SGCZ: variants seen among roughly 807,000 people sequenced by gnomAD.
The protein encoded by SGCZ is sarcoglycan zeta.
Under a neutral mutation model 41.3 loss-of-function variants are expected in SGCZ, and 40 were observed. The ratio of observed to expected loss-of-function variants is 0.97; its 90% CI spans 0.75 to 1.26. The LOEUF (loss-of-function observed/expected upper bound fraction) is 1.26. SGCZ is among the 50% of genes most tolerant of loss of function. The pLI, the probability that SGCZ is intolerant of heterozygous loss-of-function variation, is 0.00. For missense variants in SGCZ, 552 were observed against 369.8 expected (o/e 1.49, Z -4.04); for synonymous variants, 206 against 137.5 (o/e 1.50, Z -3.49).
At chr8:14,236,096 G>A (rs1227484070) in intron 4 of SGCZ, among the ~76,000 whole-genome samples, 2 of 152,186 alleles carry the variant, frequency 1.3e-5, no homozygotes. Flanking sequence ...ATTAGGACAT[G>A]GAAAATCTAC....
chr8:14,916,183 G>A (rs750914221), intron 1 of SGCZ, among the ~76,000 whole-genome samples: 1 of 152,136 alleles, frequency 6.6e-6, no homozygotes, highest in East Asian at 1.9e-4. Flanking sequence ...ACATATGTAA[G>A]TAACAAATAA....
chr8:14,876,751 A>G (rs942665394), intron 1 of SGCZ, among the ~76,000 whole-genome samples: 14 of 152,174 alleles, frequency 9.2e-5, no homozygotes, highest in Admixed American at 4.6e-4. Flanking sequence ...GAGAGAGGCA[A>G]GAGGAAATAT....
intron 2 of SGCZ, among the ~76,000 whole-genome samples, chr8:14,395,374 A>C (rs1416031234): frequency 6.6e-6 from 1 of 152,188 alleles, no homozygotes; most frequent in Non-Finnish European, 1.5e-5. Context: ...GCAGAAGAAA[A>C]AACATGACAT....
At position 14,826,038 on chromosome 8, in the gene SGCZ, T is replaced by C. The variant is rs569493906; in HGVS notation, c.40-271112A>G. Among the ~76,000 whole-genome samples, 3 of 151,958 alleles carry C rather than the reference T, an allele frequency of 2.0e-5. No homozygotes were observed. The South Asian group carries it at 6.3e-4, about 32-fold the overall frequency. Reference sequence around the variant, plus strand: ...GTGCCATGTTGGTGTGCTGCACCCATTAACTAGTCATTTAGCATTAGGCAT... The same window carrying C: ...GTGCCATGTTGGTGTGCTGCACCCACTAACTAGTCATTTAGCATTAGGCAT... On this transcript the variant is annotated intron_variant, in intron 1 of 7. Coordinates refer to ENST00000382080, the MANE Select transcript of SGCZ (RefSeq NM_139167.4).
chr8:14,327,247 T>C (rs1045466588), intron 2 of SGCZ, among the ~76,000 whole-genome samples: 6 of 152,140 alleles, frequency 3.9e-5, no homozygotes, highest in Non-Finnish European at 8.8e-5. Flanking sequence ...TGATAAGACT[T>C]ACAGAACACC....
chr8:14,851,289 A>T (rs773162334), intron 1 of SGCZ, among the ~76,000 whole-genome samples: 5 of 149,688 alleles, frequency 3.3e-5, no homozygotes, highest in Non-Finnish European at 7.4e-5. Context: ...GAATGGCATG[A>T]ACCTGGGAGG....
chr8:14,978,125 C>T (rs572552093), intron 1 of SGCZ, among the ~76,000 whole-genome samples: 1 of 151,990 alleles, frequency 6.6e-6, no homozygotes, highest in South Asian at 2.1e-4. Flanking sequence ...TATGTCTTTG[C>T]ATTTTTATGT....
chr8:14,643,695 A>G (rs967070386), intron 1 of SGCZ, among the ~76,000 whole-genome samples: 5 of 151,806 alleles, frequency 3.3e-5, no homozygotes, highest in African/African-American at 1.2e-4. Flanking sequence ...ATTCCAAGGC[A>G]CTGAAAAATC....
At chr8:14,481,080 C>A (rs933441089) in intron 2 of SGCZ, among the ~76,000 whole-genome samples, 1 of 151,986 alleles carries the variant, frequency 6.6e-6, no homozygotes, top group African/African-American at 2.4e-5. Context: ...ATATAAACAG[C>A]AAAGTGTTAA....
chr8:14,923,088 C>T (rs73201292), intron 1 of SGCZ, among the ~76,000 whole-genome samples: 24,323 of 152,030 alleles, frequency 0.16, 2,168 homozygotes, highest in East Asian at 0.29. Context: ...TGAAATTTTA[C>T]AGCTAGTGTC....
chr8:14,232,144 T>TAC (rs944590139), intron 4 of SGCZ, among the ~76,000 whole-genome samples: 3 of 151,212 alleles, frequency 2.0e-5, no homozygotes, highest in African/African-American at 7.3e-5. Flanking sequence ...ATCATATATA[T>TAC]ATACATATAT....
At chr8:15,033,464 C>T (rs944615981) in intron 1 of SGCZ, among the ~76,000 whole-genome samples, 25 of 152,188 alleles carry the variant, frequency 1.6e-4, no homozygotes, top group Non-Finnish European at 1.5e-4. Flanking sequence ...AGGCAGGCTG[C>T]AGAAGACCTA....
At chr8:14,942,986 C>T (rs185737535) in intron 1 of SGCZ, among the ~76,000 whole-genome samples, 171 of 152,222 alleles carry the variant, frequency 1.1e-3, no homozygotes, top group African/African-American at 3.9e-3. Flanking sequence ...TGAATCATGC[C>T]AGTCTTATTG....
At chr8:15,231,796 A>AT (rs1354806801) in intron 1 of SGCZ, among the ~76,000 whole-genome samples, 2 of 151,562 alleles carry the variant, frequency 1.3e-5, no homozygotes, top group African/African-American at 4.8e-5. Flanking sequence ...TAATTTTTGT[A>AT]TTTTTAGTAG....
chr8:14,815,272 TA>T (rs1801868535), intron 1 of SGCZ, among the ~76,000 whole-genome samples: 1 of 150,656 alleles, frequency 6.6e-6, no homozygotes, highest in East Asian at 1.9e-4. Flanking sequence ...TAGAAGCAAA[TA>T]AAAAATAGAA....
chr8:14,873,212 CTG>C (rs1326734404), intron 1 of SGCZ, among the ~76,000 whole-genome samples: 2 of 152,112 alleles, frequency 1.3e-5, no homozygotes, highest in African/African-American at 4.8e-5. Context: ...GGCTGGAAGA[CTG>C]AGATAAATCA....
intron 1 of SGCZ, among the ~76,000 whole-genome samples, chr8:14,860,660 G>C (rs1803702955): frequency 6.9e-6 from 1 of 145,274 alleles, no homozygotes. Flanking sequence ...GAAAAAGAAA[G>C]AAAGAAAGAG....
intron 1 of SGCZ, among the ~76,000 whole-genome samples, chr8:14,782,205 A>C (rs1174141390): frequency 6.6e-6 from 1 of 152,198 alleles, no homozygotes; most frequent in Non-Finnish European, 1.5e-5. Context: ...ATCTATGCTA[A>C]AACTTATTAA....
intron 1 of SGCZ, among the ~76,000 whole-genome samples, chr8:14,964,053 T>C (rs1024744406): frequency 5.9e-5 from 9 of 152,154 alleles, no homozygotes; most frequent in Non-Finnish European, 7.4e-5. Flanking sequence ...TAAAAATAAA[T>C]TGATCTTATA....
Sources: allele counts gnomAD v4.1 joint callset (sites outside exome capture counted in the v4.1 genomes callset), GRCh38; gene constraint gnomAD v4.1.1; transcripts MANE v1.5; gene names NCBI Gene and HGNC (gene_info 2026-07-23, HGNC 2026-07-21).